ERBB4: variants seen among roughly 807,000 people sequenced by gnomAD.
ERBB4 encodes receptor tyrosine-protein kinase erbB-4.
In ERBB4, 42 loss-of-function variants were observed where a neutral mutation model predicts 158.0. The ratio of observed to expected loss-of-function variants is 0.27; its 90% CI spans 0.21 to 0.34. The LOEUF is 0.34. ERBB4 is among the 10% of genes least tolerant of loss of function. The pLI, the probability that ERBB4 is intolerant of heterozygous loss-of-function variation, is 1.00. For missense variants in ERBB4, 1,333 were observed against 1,624.1 expected (o/e 0.82, Z 3.08); for synonymous variants, 583 against 558.7 (o/e 1.04, Z -0.61).
intron 22 of ERBB4, among the ~76,000 whole-genome samples, chr2:211,427,268 T>C (rs781312399): frequency 1.4e-4 from 22 of 152,016 alleles, no homozygotes; most frequent in Admixed American, 2.6e-4. Context: ...AAGCTTAAGT[T>C]TGAGTAACAT....
intron 20 of ERBB4, among the ~76,000 whole-genome samples, chr2:211,548,281 T>C (rs1374911582): frequency 6.6e-6 from 1 of 151,360 alleles, no homozygotes; most frequent in Non-Finnish European, 1.5e-5. Context: ...GAGGTTGCAA[T>C]GTTATTAGAC....
intron 1 of ERBB4, among the ~76,000 whole-genome samples, chr2:212,364,914 AGTGTGT>A (rs34682600): frequency 0.031 from 4,518 of 148,082 alleles, 204 homozygotes; most frequent in African/African-American, 0.1. Context: ...TGTGTGTGTG[AGTGTGT>A]GTGTGTGTGT....
chr2:212,331,071 T>TATATATACACAC (rs147932949), intron 1 of ERBB4, among the ~76,000 whole-genome samples: 2 of 120,024 alleles, frequency 1.7e-5, no homozygotes, highest in African/African-American at 5.6e-5. Context: ...TATATATATA[T>TATATATACACAC]ACACATATAT....
chr2:211,608,865 T>G (rs923465063), intron 19 of ERBB4, among the ~76,000 whole-genome samples: 24 of 152,168 alleles, frequency 1.6e-4, no homozygotes, highest in Non-Finnish European at 2.9e-4. Flanking sequence ...TTCAGTTAAT[T>G]TGGATGGAAA....
intron 20 of ERBB4, among the ~76,000 whole-genome samples, chr2:211,473,146 A>G (rs2064871514): frequency 6.6e-6 from 1 of 151,966 alleles, no homozygotes; most frequent in South Asian, 2.1e-4. Flanking sequence ...TATTCTCATT[A>G]TAGGAAGGCA....
At chr2:211,974,259 G>A (rs938957094) in intron 2 of ERBB4, among the ~76,000 whole-genome samples, 1 of 151,988 alleles carries the variant, frequency 6.6e-6, no homozygotes, top group African/African-American at 2.4e-5. Flanking sequence ...TAAAATTTGA[G>A]CTTTTATTGT....
At chr2:212,535,396 A>G (rs1012372291) in intron 1 of ERBB4, among the ~76,000 whole-genome samples, 2 of 152,154 alleles carry the variant, frequency 1.3e-5, no homozygotes, top group African/African-American at 4.8e-5. Flanking sequence ...TTTCTTCTCA[A>G]ATGAAAAATA....
chr2:212,341,985 A>G (rs1461696224), intron 1 of ERBB4, among the ~76,000 whole-genome samples: 1 of 152,144 alleles, frequency 6.6e-6, no homozygotes, highest in African/African-American at 2.4e-5. Flanking sequence ...AGGGCTGGAC[A>G]TGGTGGTTCA....
At chr2:211,717,379 G>A (rs1054285561) in intron 7 of ERBB4, among the ~76,000 whole-genome samples, 6 of 152,280 alleles carry the variant, frequency 3.9e-5, no homozygotes, top group African/African-American at 1.4e-4. Context: ...TGCTGTCTTG[G>A]AGTTAGTGTG....
chr2:211,554,219 C>G (rs539191429), intron 20 of ERBB4, among the ~76,000 whole-genome samples: 1 of 152,308 alleles, frequency 6.6e-6, no homozygotes, highest in Admixed American at 6.5e-5. Flanking sequence ...TCAGAGTTAT[C>G]TGGCATAGCA....
rs1041006908 is a variant in ERBB4, at chr2:212,058,060, G to C, written c.234+66692C>G. On this transcript the variant is annotated intron_variant, in intron 2 of 27. Transcript: ENST00000342788. The stretch of plus-strand genomic sequence containing the variant: ...AGCAAGGCTCATAAAGGAGAGAAGA[G>C]AGAAGAATCAAATAGACGCAGACGC... Among the ~76,000 whole-genome samples, 7 of 152,098 alleles carry C rather than the reference G, an allele frequency of 4.6e-5. No homozygotes were observed. In the South Asian group the frequency reaches 1.0e-3, roughly 23 times the overall value.
At chr2:211,617,684 A>G (rs999747990) in intron 19 of ERBB4, among the ~76,000 whole-genome samples, 3 of 152,138 alleles carry the variant, frequency 2.0e-5, no homozygotes, top group Non-Finnish European at 4.4e-5. Flanking sequence ...TAAAGTAGTT[A>G]GCATTATACA....
chr2:212,281,372 G>A (rs528283564), intron 1 of ERBB4, among the ~76,000 whole-genome samples: 5 of 151,826 alleles, frequency 3.3e-5, no homozygotes, highest in Non-Finnish European at 7.4e-5. Flanking sequence ...TTTCCCTCAA[G>A]ATGTAAAATC....
rs769719990 is a variant in ERBB4 at position 211,665,434 on chromosome 2, G to T, written c.1760C>A (p.Pro587Gln). ...ATCTGGACATTTTTCCACACAGTTT[G>T]GGCCATCTTTAAAATGAGAGCACTT... ...CTKCSHFKDGPNCVEKCPDGL... is the reference protein window; with the variant it reads ...CTKCSHFKDGQNCVEKCPDGL... The change falls in exon 15 of 28, where the codon CCA becomes CAA. Residue 587 changes from proline to glutamine, a missense_variant. Around this residue, in one of 5 missense-constraint regions of ERBB4, gnomAD observed 245 missense variants for 247.5 expected, o/e 0.99. Transcript: ENST00000342788. 1 of 1,613,954 alleles carries T rather than the reference G, an allele frequency of 6.2e-7. No homozygotes were observed.
chr2:212,356,582 G>T (rs1229881639), intron 1 of ERBB4, among the ~76,000 whole-genome samples: 3 of 151,416 alleles, frequency 2.0e-5, no homozygotes, highest in Non-Finnish European at 4.4e-5. Flanking sequence ...CCTAAAGTAG[G>T]TTTTTTTTGT....
intron 3 of ERBB4, among the ~76,000 whole-genome samples, chr2:211,792,913 A>G (rs1390033595): frequency 6.6e-6 from 1 of 151,724 alleles, no homozygotes; most frequent in Non-Finnish European, 1.5e-5. Context: ...GAATTTGGGG[A>G]TGAGTGCCCA....
At chr2:212,198,806 A>C (rs1452993118) in intron 1 of ERBB4, among the ~76,000 whole-genome samples, 2 of 146,710 alleles carry the variant, frequency 1.4e-5, no homozygotes, top group African/African-American at 5.1e-5. Context: ...CTGGTCTCAA[A>C]CTCCTGACCT....
chr2:212,184,290 A>C (rs991638417), intron 1 of ERBB4, among the ~76,000 whole-genome samples: 2 of 152,022 alleles, frequency 1.3e-5, no homozygotes, highest in Non-Finnish European at 2.9e-5. Context: ...TCATGTTCTA[A>C]GACCCTGCCG....
intron 20 of ERBB4, among the ~76,000 whole-genome samples, chr2:211,467,612 T>A (rs1337638039): frequency 6.6e-6 from 1 of 152,152 alleles, no homozygotes; most frequent in Non-Finnish European, 1.5e-5. Flanking sequence ...TCTGGCTGAA[T>A]TTCATATCTA....
Sources: gnomAD v4.1 joint callset for allele counts (sites outside exome capture counted in the v4.1 genomes callset) on GRCh38, gnomAD v4.1.1 for gene constraint, gnomAD v4.1.1 regional missense constraint, MANE v1.5 for transcripts, NCBI Gene and HGNC (gene_info 2026-07-23, HGNC 2026-07-21) for gene names.